The following TTC34 variants were observed in gnomAD, a reference collection of about 807,000 sequenced individuals.
TTC34 encodes the protein tetratricopeptide repeat domain 34.
In TTC34, 44 loss-of-function variants were observed where a neutral mutation model predicts 40.7. The observed-to-expected ratio is 1.08, with a 90% CI of 0.85 to 1.39. TTC34 has a LOEUF of 1.39. Ranked by LOEUF, TTC34 falls within the 40% of genes most tolerant of loss-of-function variation. The probability of loss-of-function intolerance (pLI) is 0.00; values close to 1 mark genes in which losing one functional copy is unlikely to be tolerated. For synonymous variants in TTC34, 422 were observed against 398.6 expected (o/e 1.06, Z -0.70); for missense variants, 884 against 838.0 (o/e 1.05, Z -0.68).
intron 6 of TTC34, among the ~76,000 whole-genome samples, chr1:2,693,722 T>G: frequency 1.5e-5 from 1 of 68,354 alleles, no homozygotes; most frequent in African/African-American, 4.9e-5. Context: ...GGCAAGCATC[T>G]GAACGCAAGG....
intron 6 of TTC34, among the ~76,000 whole-genome samples, chr1:2,694,548 C>G (rs1456142490): frequency 9.5e-6 from 1 of 105,734 alleles, no homozygotes; most frequent in Non-Finnish European, 2.0e-5. Flanking sequence ...TAGCACCCCA[C>G]ACCCACAGGT....
chr1:2,653,952 CT>C, intron 6 of TTC34, among the ~76,000 whole-genome samples: 1 of 148,914 alleles, frequency 6.7e-6, no homozygotes, highest in Non-Finnish European at 1.5e-5. Flanking sequence ...ATCTGATGGT[CT>C]GGAGCAGCAC....
At chr1:2,686,839 C>A (rs867037065) in intron 6 of TTC34, among the ~76,000 whole-genome samples, 8 of 94,124 alleles carry the variant, frequency 8.5e-5, no homozygotes, top group Admixed American at 1.1e-4. Context: ...AGCAGCACCC[C>A]ACACCCCCAG....
At chr1:2,785,755 G>A in intron 5 of TTC34, 64 bp downstream of exon 5, 1 of 1,474,878 alleles carries the variant, frequency 6.8e-7, no homozygotes, top group Non-Finnish European at 9.0e-7. Flanking sequence ...GCATGGCAGA[G>A]ACTCCCCATG....
chr1:2,749,456 A>G (rs1641246050), intron 6 of TTC34, among the ~76,000 whole-genome samples: 1 of 106,702 alleles, frequency 9.4e-6, no homozygotes. Context: ...CCAGGTGAGC[A>G]TCTGACGGCC....
chr1:2,651,576 G>A (rs919893415), intron 6 of TTC34, among the ~76,000 whole-genome samples: 2 of 150,176 alleles, frequency 1.3e-5, no homozygotes, highest in African/African-American at 4.9e-5. Flanking sequence ...GAGTGTCTGA[G>A]AGCCTGGAAC....
rs565594654 is a variant in TTC34, at chr1:2,785,991, G to A, written c.1887C>T (p.Thr629=). 2,591 of 1,497,718 alleles carry A rather than the reference G, an allele frequency of 1.7e-3. 3 individuals are homozygous for A. Among genetic ancestry groups the A allele is most frequent in the Non-Finnish European group, 2.2e-3 (2,450 of 1,116,802 alleles). The allele number at this position is 1,497,718 out of a possible 1,614,324, so 92.8% of individuals were successfully genotyped here. The change falls in exon 5 of 9, where the codon ACC becomes ACT. Residue 629 remains threonine (T), a synonymous_variant. Transcript: ENST00000401095. ...CGTCCAGGGTGGGCTGGAGGCAGGC[G>A]GTGTCACCAGACTGGACCAGCTTCT...
Position 2,645,479 on chromosome 1 carries a change from G to T in TTC34, c.2311C>A (p.Gln771Lys). 1 of 1,532,678 alleles carries T rather than the reference G, an allele frequency of 6.5e-7. No individual in the cohort carries two copies. 94.9% of individuals were successfully genotyped at this position (1,532,678 alleles called of 1,614,324 possible). A position where few individuals can be genotyped will look rare whatever the true frequency, so the allele number is the denominator to read the frequency against. Residue 771 changes from glutamine (Q) to lysine (K), a missense_variant, in exon 7 of 9, where the codon CAG (glutamine) becomes AAG (lysine). Transcript: ENST00000401095. The surrounding 1 kb of genome is among the most constrained non-coding windows in gnomAD (Gnocchi z 4.7). ...TAGAGGCCCTGTGTGATGAGGGCCT[G>T]GGCTTCCGGCTTCAGAGAGCGGAGC...
At position 2,783,780 on chromosome 1, in the gene TTC34, A is replaced by G; in HGVS notation, c.2060-5T>C. The G allele has an allele frequency of 6.7e-7, 1 of 1,491,734 alleles. No individual in the cohort carries two copies. Among genetic ancestry groups the G allele is most frequent in the Non-Finnish European group, 9.0e-7 (1 of 1,116,144 alleles). The allele number at this position is 1,491,734 out of a possible 1,614,324, so 92.4% of individuals were successfully genotyped here. A position where few individuals can be genotyped will look rare whatever the true frequency, so the allele number is the denominator to read the frequency against. ...GGGACTCACTTGCCTGGCTTCCTGC[A>G]GGAAGACGGCATGGGGTCAGGATGA... On this transcript the variant is annotated splice_region_variant and splice_polypyrimidine_tract_variant and intron_variant, in intron 5 of 8. Coordinates refer to ENST00000401095, the Ensembl canonical transcript of TTC34.
exon 3 of TTC34, chr1:2,789,983 A>G: frequency 5.1e-6 from 2 of 392,758 alleles, no homozygotes; most frequent in East Asian, 3.6e-5. Flanking sequence ...GTCCCCTGCC[A>G]GCAGCAGGCA....
intron 6 of TTC34, among the ~76,000 whole-genome samples, chr1:2,759,961 CCA>C (rs1641641326): frequency 0.13 from 15,556 of 120,642 alleles, 20 homozygotes; most frequent in Non-Finnish European, 0.16. Flanking sequence ...GGCACCCACA[CCA>C]CCAGGTGAGC....
intron 6 of TTC34, among the ~76,000 whole-genome samples, chr1:2,647,368 T>A (rs1639039450): frequency 6.6e-6 from 1 of 152,222 alleles, no homozygotes; most frequent in Non-Finnish European, 1.5e-5. Context: ...CTCACGCCTG[T>A]AATCCCAGCA....
intron 2 of TTC34, among the ~76,000 whole-genome samples, chr1:2,795,205 C>T (rs1422045321): frequency 6.6e-6 from 1 of 152,146 alleles, no homozygotes; most frequent in Admixed American, 6.5e-5. Context: ...GCCATGATCA[C>T]ACAACTGCAC....
In TTC34 at chr1:2,751,503, G is replaced by C. The variant is rs1486818133; in HGVS notation, c.2226+32106C>G. 2.3e-4 allele frequency among the ~76,000 whole-genome samples: 14 copies of C among 60,656 alleles called. 4 individuals are homozygous for C. The highest frequency in any genetic ancestry group is 4.1e-4 in the Non-Finnish European group (14 of 34,090). 39.8% of individuals were successfully genotyped at this position (60,656 alleles called of 152,430 possible). A position where few individuals can be genotyped will look rare whatever the true frequency, so the allele number is the denominator to read the frequency against. On this transcript the variant is annotated intron_variant, in intron 6 of 8. Transcript: ENST00000401095. The stretch of plus-strand genomic sequence containing the variant: ...CACCCCCATGCCCAGGTGAGCCTCT[G>C]ACAGCCTTGAACAGCACCCTGCACC...
At chr1:2,687,866 A>C (rs1640436646) in intron 6 of TTC34, among the ~76,000 whole-genome samples, 1 of 151,858 alleles carries the variant, frequency 6.6e-6, no homozygotes, top group Non-Finnish European at 1.5e-5. Flanking sequence ...AGCATCTGAC[A>C]GCCTGGAACA....
intron 6 of TTC34, among the ~76,000 whole-genome samples, chr1:2,777,153 C>G (rs1164432821): frequency 6.0e-4 from 53 of 87,774 alleles, no homozygotes; most frequent in African/African-American, 2.4e-3. Flanking sequence ...ATCTGACAGC[C>G]TGGAACAGCA....
intron 6 of TTC34, among the ~76,000 whole-genome samples, chr1:2,659,543 CACGCCCCCAGGCGAG>C (rs1639464425): frequency 8.4e-6 from 1 of 118,984 alleles, no homozygotes; most frequent in African/African-American, 2.7e-5. Flanking sequence ...GAGCAGCACA[CACGCCCCCAGGCGAG>C]CATCTGACCG....
At chr1:2,650,056 A>C (rs1030856242) in intron 6 of TTC34, among the ~76,000 whole-genome samples, 1 of 151,362 alleles carries the variant, frequency 6.6e-6, no homozygotes, top group Non-Finnish European at 1.5e-5. Context: ...CTGCATCCCC[A>C]GGTGAGCCTC....
At chr1:2,691,663 C>G (rs561091904) in intron 6 of TTC34, among the ~76,000 whole-genome samples, 2 of 94,190 alleles carry the variant, frequency 2.1e-5, no homozygotes, top group African/African-American at 3.5e-5. Context: ...AGCACCGACA[C>G]CCCCAGGTGA....
Sources: allele counts gnomAD v4.1 joint callset (sites outside exome capture counted in the v4.1 genomes callset), GRCh38; gene constraint gnomAD v4.1.1; non-coding constraint Gnocchi (gnomAD v3.1); transcripts MANE v1.5; gene names NCBI Gene and HGNC (gene_info 2026-07-23, HGNC 2026-07-21).